The following PRKG1 variants were observed in gnomAD, a reference collection of about 807,000 sequenced individuals.
The protein encoded by PRKG1 is cGMP-dependent protein kinase 1.
PRKG1 carries 35 observed loss-of-function variants against 88.1 expected under a neutral mutation model. That is an observed-to-expected ratio of 0.40 (90% CI 0.30 to 0.53). The LOEUF is 0.53. Ranked by LOEUF, PRKG1 falls within the 20% of genes least tolerant of loss-of-function variation. The probability of loss-of-function intolerance (pLI) is 0.59; values close to 1 mark genes in which losing one functional copy is unlikely to be tolerated. For synonymous variants in PRKG1, 303 were observed against 292.5 expected, an observed-to-expected ratio of 1.04 and a Z score of -0.37; for missense variants, 540 against 839.8, an observed-to-expected ratio of 0.64 and a Z score of 4.41.
chr10:51,223,429 A>G (rs1306844015), intron 2 of PRKG1, among the ~76,000 whole-genome samples: 1 of 152,214 alleles, frequency 6.6e-6, no homozygotes, highest in African/African-American at 2.4e-5. Context: ...TATACTTCAT[A>G]TAAGTAGAGG....
chr10:52,073,692 C>G (rs1402792559), intron 7 of PRKG1, among the ~76,000 whole-genome samples: 1 of 152,120 alleles, frequency 6.6e-6, no homozygotes, highest in Non-Finnish European at 1.5e-5. Flanking sequence ...TAGAAGCTGA[C>G]CTGTTGCTCT....
chr10:51,817,085 C>T (rs4935282), intron 4 of PRKG1, among the ~76,000 whole-genome samples: 33,105 of 151,950 alleles, frequency 0.22, 5,858 homozygotes, highest in African/African-American at 0.49. Context: ...ATTTTGACTT[C>T]AGGTTGGTTT....
chr10:52,076,421 G>A (rs932307293), intron 7 of PRKG1, among the ~76,000 whole-genome samples: 1 of 152,204 alleles, frequency 6.6e-6, no homozygotes, highest in Non-Finnish European at 1.5e-5. Flanking sequence ...GTTGGGCATG[G>A]TGGTGTGCAC....
At chr10:52,111,102 T>C (rs890520110) in intron 7 of PRKG1, among the ~76,000 whole-genome samples, 1 of 152,192 alleles carries the variant, frequency 6.6e-6, no homozygotes, top group Non-Finnish European at 1.5e-5. Flanking sequence ...TGAGATCAAA[T>C]AATTTATTTA....
intron 9 of PRKG1, among the ~76,000 whole-genome samples, chr10:52,197,498 T>C (rs191727066): frequency 3.0e-4 from 46 of 152,310 alleles, no homozygotes; most frequent in African/African-American, 1.0e-3. Flanking sequence ...TAAGAAAAAC[T>C]CCGAGGTATA....
At chr10:51,828,527 A>G (rs1464054683) in intron 4 of PRKG1, among the ~76,000 whole-genome samples, 1 of 152,136 alleles carries the variant, frequency 6.6e-6, no homozygotes, top group East Asian at 1.9e-4. Flanking sequence ...ACTTTAAACA[A>G]AGCATTAAAA....
intron 3 of PRKG1, among the ~76,000 whole-genome samples, chr10:51,735,836 G>A (rs1311401956): frequency 7.0e-6 from 1 of 142,784 alleles, no homozygotes; most frequent in African/African-American, 2.6e-5. Flanking sequence ...CATGGATATG[G>A]GGCAGGGGGC....
chr10:51,200,136 C>A (rs971497859), intron 2 of PRKG1, among the ~76,000 whole-genome samples: 3 of 151,992 alleles, frequency 2.0e-5, no homozygotes, highest in Non-Finnish European at 4.4e-5. Context: ...GTGAAAAATA[C>A]GGGAAAAAGC....
At chr10:51,354,468 T>TA (rs1842322031) in intron 2 of PRKG1, among the ~76,000 whole-genome samples, 1 of 152,092 alleles carries the variant, frequency 6.6e-6, no homozygotes, top group African/African-American at 2.4e-5. Context: ...TATTAAAAAA[T>TA]AAAAATCATT....
At chr10:52,124,384 G>A (rs1488982756) in intron 7 of PRKG1, among the ~76,000 whole-genome samples, 2 of 152,132 alleles carry the variant, frequency 1.3e-5, no homozygotes, top group Non-Finnish European at 2.9e-5. Context: ...TGTAACAGTA[G>A]TATTTGTGTA....
intron 5 of PRKG1, chr10:51,908,703 C>CTATCTATCTATCTATCTATCTATCTA (rs746537128): frequency 4.2e-5 from 4 of 95,442 alleles, no homozygotes; most frequent in African/African-American, 1.0e-4. Flanking sequence ...CTCTCTCTCT[C>CTATCTATCTATCTATCTATCTATCTA]TCTCTCTCTC....
intron 3 of PRKG1, among the ~76,000 whole-genome samples, chr10:51,580,866 G>A (rs188626883): frequency 4.6e-5 from 7 of 152,016 alleles, no homozygotes; most frequent in Non-Finnish European, 1.0e-4. Context: ...GACACCAAGC[G>A]GGGTGGTCTC....
intron 5 of PRKG1, among the ~76,000 whole-genome samples, chr10:52,020,241 C>T (rs1196527791): frequency 6.6e-6 from 1 of 152,062 alleles, no homozygotes; most frequent in Admixed American, 6.6e-5. Context: ...CTTGGTGTTT[C>T]TTAACTGTCT....
chr10:51,998,672 T>C (rs758522178), intron 5 of PRKG1, among the ~76,000 whole-genome samples: 1 of 152,226 alleles, frequency 6.6e-6, no homozygotes, highest in Non-Finnish European at 1.5e-5. Context: ...GAGTGAAGCA[T>C]ACATAGGTGT....
intron 5 of PRKG1, among the ~76,000 whole-genome samples, chr10:51,975,033 A>AGG (rs1449702859): frequency 6.6e-6 from 1 of 152,106 alleles, no homozygotes; most frequent in African/African-American, 2.4e-5. Context: ...TATATCTGGT[A>AGG]GGGAGTGGTT....
At chr10:52,141,748 T>A (rs1174487906) in intron 8 of PRKG1, among the ~76,000 whole-genome samples, 2 of 152,152 alleles carry the variant, frequency 1.3e-5, no homozygotes, top group African/African-American at 4.8e-5. Context: ...GAAATTATTG[T>A]TAAAAAATGT....
chr10:51,380,636 C>T (rs1476964253), intron 2 of PRKG1, among the ~76,000 whole-genome samples: 1 of 152,040 alleles, frequency 6.6e-6, no homozygotes, highest in African/African-American at 2.4e-5. Context: ...ATTTTCAAGG[C>T]ATGATAAATC....
chr10:52,036,314 G>C (rs1468853976), intron 5 of PRKG1, among the ~76,000 whole-genome samples: 1 of 151,966 alleles, frequency 6.6e-6, no homozygotes, highest in Non-Finnish European at 1.5e-5. Flanking sequence ...ATATGGGTTT[G>C]GCACTACGGG....
intron 5 of PRKG1, among the ~76,000 whole-genome samples, chr10:52,001,277 A>G (rs1844588640): frequency 6.6e-6 from 1 of 151,964 alleles, no homozygotes; most frequent in South Asian, 2.1e-4. Flanking sequence ...GAATAAATAC[A>G]GAGACCTAAT....
Sources: gnomAD v4.1 joint callset for allele counts (sites outside exome capture counted in the v4.1 genomes callset) on GRCh38, gnomAD v4.1.1 for gene constraint, MANE v1.5 for transcripts, NCBI Gene and HGNC (gene_info 2026-07-23, HGNC 2026-07-21) for gene names.